PKD1L3: variants seen among roughly 807,000 people sequenced by gnomAD.
The protein encoded by PKD1L3 is polycystin 1 like 3, transient receptor potential channel interacting, also known as polycystin-1-like protein 3.
In PKD1L3, 239 loss-of-function variants were observed where a neutral mutation model predicts 184.1. The ratio of observed to expected loss-of-function variants is 1.30; its 90% CI spans 1.17 to 1.45. PKD1L3 has a LOEUF of 1.45. Ranked by LOEUF, PKD1L3 falls within the 40% of genes most tolerant of loss-of-function variation. The pLI is 0.00. For synonymous variants in PKD1L3, 996 were observed against 778.8 expected (o/e 1.28, Z -4.64); for missense variants, 2,660 against 2,067.2 (o/e 1.29, Z -5.56).
Position 71,942,743 on chromosome 16 carries a change from C to T in PKD1L3, c.4141G>A (p.Gly1381Ser). The T allele has an allele frequency of 1.9e-6, 3 of 1,551,662 alleles. No individual in the cohort carries two copies. Among genetic ancestry groups the T allele is most frequent in the Non-Finnish European group, 2.6e-6 (3 of 1,147,004 alleles). ...CCGTTATCACAAAACGCCAGCTGAC[C>T]TTCGTCCACTTTCTCATAGGTCTTG... ...RTKTYEKVDE[G>S]QLAFCDNGHT... is the part of the protein sequence containing the mutation. Residue 1381 changes from glycine (G) to serine (S), a missense_variant, in exon 24 of 30, where the codon GGT becomes AGT. Transcript: ENST00000620267.
chr16:71,931,092 A>G (rs994146023), intron 28 of PKD1L3: 1 of 152,030 alleles, frequency 6.6e-6, no homozygotes, highest in Admixed American at 6.6e-5. Context: ...TGTTTGCTCT[A>G]TTTGTTTTTT....
At chr16:71,978,495 GTATATATA>G (rs4045545) in intron 9 of PKD1L3, 112 bp from the exon 10 acceptor site, 2,458 of 145,670 alleles carry the variant, frequency 0.017, 110 homozygotes, top group African/African-American at 0.08. Context: ...GTGTGTGTGT[GTATATATA>G]TATATATATA....
Position 71,980,016 on chromosome 16 carries a change from A to G in PKD1L3, c.1262T>C (p.Leu421Pro), listed in dbSNP as rs779577069. The G allele has an allele frequency of 6.4e-7, 1 of 1,552,164 alleles. No individual in the cohort carries two copies. The highest frequency in any genetic ancestry group is 2.0e-5 in the Admixed American group (1 of 51,004). Residue 421 changes from leucine to proline, a missense_variant, in exon 8 of 30, where the codon CTG becomes CCG. Coordinates refer to ENST00000620267, the MANE Select transcript of PKD1L3 (RefSeq NM_181536.2). ...CCTTCTTCCCATTAACCTGCTCAGC[A>G]GCAGAGTAGCATTGGCAGAGGTCAA... Reference protein sequence around the residue: ...VTLTSANATLLLSRQNISTLP... With the variant: ...VTLTSANATLPLSRQNISTLP...
rs1176838903 is a variant in PKD1L3 at position 71,970,023 on chromosome 16, G to A, written c.2036C>T (p.Pro679Leu). Residue 679 changes from proline to leucine, a missense_variant, in exon 13 of 30, where the codon CCC becomes CTC. By Grantham distance (98) the Pro-to-Leu change is moderately conservative. Coordinates refer to ENST00000620267, the MANE Select transcript of PKD1L3 (RefSeq NM_181536.2). ...TFFASDFFVV[P>L]RTVNVEDTIK... ...CGTGTCTTCAACATTCACGGTCCTG[G>A]GCACGACAAAGAAGTCGCTGGCAAA... The A allele has an allele frequency of 6.4e-7, 1 of 1,551,666 alleles. No individual in the cohort carries two copies. Among genetic ancestry groups the A allele is most frequent in the African/African-American group, 1.4e-5 (1 of 73,148 alleles).
intron 16 of PKD1L3, among the ~76,000 whole-genome samples, chr16:71,960,884 C>T (rs990791148): frequency 5.9e-5 from 9 of 151,928 alleles, no homozygotes; most frequent in African/African-American, 2.2e-4. Context: ...ACAGTGAGAC[C>T]CTATCTCAAA....
At chr16:71,955,012 T>G (rs1312238338) in intron 16 of PKD1L3, among the ~76,000 whole-genome samples, 1 of 151,998 alleles carries the variant, frequency 6.6e-6, no homozygotes, top group Non-Finnish European at 1.5e-5. Context: ...AAAACCTCTG[T>G]AGGGCTACAC....
chr16:71,959,523 C>CT (rs1422058510), intron 16 of PKD1L3, among the ~76,000 whole-genome samples: 27 of 152,138 alleles, frequency 1.8e-4, no homozygotes, highest in Non-Finnish European at 3.1e-4. Context: ...AAGGAAAAAC[C>CT]TTTTTTGTGC....
chr16:71,976,892 G>A (rs2039945647), intron 11 of PKD1L3, among the ~76,000 whole-genome samples: 1 of 151,138 alleles, frequency 6.6e-6, no homozygotes. Flanking sequence ...ACAGGCACCT[G>A]CCACCACACC....
chr16:71,960,650 G>A (rs2039242117), intron 16 of PKD1L3, among the ~76,000 whole-genome samples: 1 of 151,978 alleles, frequency 6.6e-6, no homozygotes. Flanking sequence ...AACTGAAGGA[G>A]AATTAAACTC....
In PKD1L3 at chr16:71,980,021, A is replaced by G; in HGVS notation, c.1257T>C (p.Thr419=). 6.4e-7 allele frequency: 1 copy of G among 1,552,142 alleles called. No homozygotes were observed. The highest frequency in any genetic ancestry group is 8.7e-7 in the Non-Finnish European group (1 of 1,147,084). ...TTCCCATTAACCTGCTCAGCAGCAG[A>G]GTAGCATTGGCAGAGGTCAAAGTCA... ...SSVTLTSANA[T]LLLSRQNIST... Residue 419 remains threonine (T), a synonymous_variant, in exon 8 of 30, where the codon ACT becomes ACC. Coordinates refer to ENST00000620267, the MANE Select transcript of PKD1L3 (RefSeq NM_181536.2).
chr16:71,968,713 A>G (rs2039593844), intron 13 of PKD1L3, among the ~76,000 whole-genome samples: 1 of 151,582 alleles, frequency 6.6e-6, no homozygotes, highest in South Asian at 2.1e-4. Flanking sequence ...CTCCCACCTC[A>G]GCCTCCTGAG....
intron 4 of PKD1L3, among the ~76,000 whole-genome samples, chr16:71,987,531 C>G (rs2040420833): frequency 6.6e-6 from 1 of 152,110 alleles, no homozygotes; most frequent in Non-Finnish European, 1.5e-5. Context: ...CATCACCACA[C>G]CCGGCTAATT....
At position 71,986,383 on chromosome 16, in the gene PKD1L3, G is replaced by T. The variant is rs2040363610; in HGVS notation, c.672C>A (p.Pro224=). 1 of 1,551,698 alleles carries T rather than the reference G, an allele frequency of 6.4e-7. No individual in the cohort carries two copies. Among genetic ancestry groups the T allele is most frequent in the African/African-American group, 1.4e-5 (1 of 73,032 alleles). ...TSQVTSAASE[P]SSQPLPVITQ... is the part of the protein sequence containing the mutation. ...TTATCACAGGGAGAGGCTGGCTGCTGGGTTCAGATGCGGCTGATGTTACCT... is the reference window on the plus strand; with the variant it reads ...TTATCACAGGGAGAGGCTGGCTGCTTGGTTCAGATGCGGCTGATGTTACCT... The change falls in exon 5 of 30, where the codon CCC becomes CCA. Residue 224 remains proline (P), a synonymous_variant. Coordinates refer to ENST00000620267, the MANE Select transcript of PKD1L3 (RefSeq NM_181536.2).
At chr16:71,931,456 TC>T (rs1229669611) in intron 28 of PKD1L3, among the ~76,000 whole-genome samples, 1 of 140,796 alleles carries the variant, frequency 7.1e-6, no homozygotes, top group East Asian at 2.1e-4. Context: ...AAGTGTCTTC[TC>T]CCCCACTTTT....
At chr16:71,930,884 G>C (rs1002778292) in intron 28 of PKD1L3, 2 of 152,096 alleles carry the variant, frequency 1.3e-5, no homozygotes, top group African/African-American at 4.8e-5. Flanking sequence ...CCAACAGAGG[G>C]GTTGATTACA....
intron 11 of PKD1L3, among the ~76,000 whole-genome samples, chr16:71,975,806 C>T (rs532568191): frequency 2.6e-5 from 4 of 152,312 alleles, no homozygotes; most frequent in African/African-American, 9.6e-5. Context: ...ACTCAATACA[C>T]ACACATACAG....
intron 24 of PKD1L3, among the ~76,000 whole-genome samples, chr16:71,940,041 G>A (rs936228144): frequency 1.3e-5 from 2 of 152,138 alleles, no homozygotes; most frequent in Non-Finnish European, 2.9e-5. Flanking sequence ...ACCTTGGAAA[G>A]CCTCAGAAAT....
At chr16:71,982,278 C>CTTTTTTTT (rs35324670) in intron 6 of PKD1L3, 43 bp from the exon 7 acceptor site, 6 of 432,758 alleles carry the variant, frequency 1.4e-5, no homozygotes, top group Non-Finnish European at 1.9e-5. Flanking sequence ...GAATTGTTTG[C>CTTTTTTTT]TTTTTTTTTT....
At chr16:71,974,683 A>C (rs778376110) in intron 11 of PKD1L3, among the ~76,000 whole-genome samples, 51 of 152,318 alleles carry the variant, frequency 3.3e-4, no homozygotes, top group Non-Finnish European at 5.0e-4. Context: ...GCCTGTCTCA[A>C]AACAGAAACA....
Sources: allele counts gnomAD v4.1 joint callset (sites outside exome capture counted in the v4.1 genomes callset), GRCh38; gene constraint gnomAD v4.1.1; transcripts MANE v1.5; gene names NCBI Gene and HGNC (gene_info 2026-07-23, HGNC 2026-07-21).